MXRA5: variants seen among roughly 807,000 people sequenced by gnomAD.
The protein encoded by MXRA5 is matrix remodeling associated 5.
MXRA5 carries 41 observed loss-of-function variants against 112.5 expected under a neutral mutation model. The observed-to-expected ratio is 0.36, with a 90% CI of 0.28 to 0.47. MXRA5 has a LOEUF of 0.47. Among genes scored for constraint, MXRA5 ranks in the 20% least tolerant of loss-of-function variants. The pLI is 0.99. For missense variants in MXRA5, 2,150 were observed against 2,251.0 expected (o/e 0.96, Z 0.91); for synonymous variants, 862 against 900.8 (o/e 0.96, Z 0.77).
chrX:3,314,515 GATAGATGGATGGATGGATGA>G (rs1257841691), intron 6 of MXRA5, among the ~76,000 whole-genome samples: 13 of 112,419 alleles, frequency 1.2e-4, no homozygotes, highest in Non-Finnish European at 1.5e-4. Context: ...TAAATGGATG[GATAGATGGATGGATGGATGA>G]ATAGATGGAT....
At position 3,320,960 on chromosome X, in the gene MXRA5, T is replaced by G. The variant is rs146968954; in HGVS notation, c.4725A>C (p.Glu1575Asp). The change falls in exon 5 of 7, where the codon GAA (glutamate) becomes GAC (aspartate). Residue 1575 changes from glutamate (E) to aspartate (D), a missense_variant. Around this residue, in one of 6 missense-constraint regions of MXRA5, gnomAD observed 1,485 missense variants for 1,471.6 expected, o/e 1.01. Coordinates refer to ENST00000217939, the MANE Select transcript of MXRA5 (RefSeq NM_015419.4). ...QDAFNLSTKL[E>D]LEKQVFGSRS... is the part of the protein sequence containing the mutation. ...TACTACCAAATACTTGCTTTTCCAA[T>G]TCCAGCTTTGTAGACAAGTTAAATG... is the stretch of plus-strand genomic sequence containing the variant. 172 of 1,210,531 alleles carry G rather than the reference T, an allele frequency of 1.4e-4. No individual in the cohort carries two copies. In the African/African-American group the frequency reaches 2.9e-3, roughly 20 times the overall value.
Position 3,321,429 on chromosome X carries a change from G to A in MXRA5, c.4256C>T (p.Thr1419Ile), listed in dbSNP as rs1359996720. Residue 1419 changes from threonine (T) to isoleucine (I), a missense_variant, in exon 5 of 7, where the codon ACT becomes ATT. Around this residue, in one of 6 missense-constraint regions of MXRA5, gnomAD observed 1,485 missense variants for 1,471.6 expected, o/e 1.01. Transcript: ENST00000217939. ...LLKELEDVDF[T>I]SEFLSSLTVS... ...TGTCAAAGAGGACAAAAACTCGGAA[G>A]TGAAATCCACATCCTCAAGCTCTTT... 1 of 1,211,661 alleles carries A rather than the reference G, an allele frequency of 8.3e-7. No individual in the cohort carries two copies. The highest frequency in any genetic ancestry group is 1.8e-5 in the South Asian group (1 of 56,947).
chrX:3,346,286 C>T (rs373347446), intron 1 of MXRA5, among the ~76,000 whole-genome samples: 3 of 112,011 alleles, frequency 2.7e-5, no homozygotes, highest in East Asian at 5.7e-4. Flanking sequence ...TTCAGTGCAT[C>T]CTCCTTCAAG....
In MXRA5 at chrX:3,310,065, A is replaced by G; in HGVS notation, c.8138T>C (p.Met2713Thr). Residue 2713 changes from methionine to threonine, a missense_variant, in exon 7 of 7, where the codon ATG becomes ACG. Around this residue, in one of 6 missense-constraint regions of MXRA5, gnomAD observed 178 missense variants for 198.2 expected, o/e 0.90. Transcript: ENST00000217939. ...VFDRGTYVCR[M>T]ETEYGPSVTS... ...GACCGAAGGGCCGTACTCCGTCTCC[A>G]TCCTGCATACATAGGTACCCCTGTC... The G allele has an allele frequency of 8.3e-7, 1 of 1,211,437 alleles. No individual in the cohort carries two copies. Among genetic ancestry groups the G allele is most frequent in the African/African-American group, 1.7e-5 (1 of 57,674 alleles).
chrX:3,333,302 CAAAAAAAAA>C (rs386416494), intron 2 of MXRA5, among the ~76,000 whole-genome samples: 5 of 14,808 alleles, frequency 3.4e-4, no homozygotes, highest in African/African-American at 9.6e-4. Flanking sequence ...TACCCCATAT[CAAAAAAAAA>C]AAAAAAAAAA....
chrX:3,339,118 G>T (rs1168505285), intron 2 of MXRA5, among the ~76,000 whole-genome samples: 2 of 110,977 alleles, frequency 1.8e-5, no homozygotes, highest in Non-Finnish European at 3.8e-5. Flanking sequence ...TAGGAACAAA[G>T]GATAATACTG....
intron 6 of MXRA5, among the ~76,000 whole-genome samples, chrX:3,316,215 G>T: frequency 1.7e-5 from 1 of 57,973 alleles, no homozygotes; most frequent in Admixed American, 1.9e-4. Flanking sequence ...ACGGGAGGCT[G>T]AGGCAGGAGA....
chrX:3,326,862 C>A (rs184174825), intron 4 of MXRA5, among the ~76,000 whole-genome samples: 2 of 111,431 alleles, frequency 1.8e-5, no homozygotes, highest in Non-Finnish European at 3.8e-5. Context: ...ACCATCCACC[C>A]GCCAGTGATG....
rs765789777 is a variant in MXRA5 at position 3,320,038 on chromosome X, G to T, written c.5647C>A (p.Pro1883Thr). The change falls in exon 5 of 7, where the codon CCT (proline) becomes ACT (threonine). Residue 1883 changes from proline (P) to threonine (T), a missense_variant. Coordinates refer to ENST00000217939, the MANE Select transcript of MXRA5 (RefSeq NM_015419.4). ...GAAACCTTTGTCCAAGTAACGAAAGGCTTTGGTTTTCCTGTTGCCTCACAG... is the reference window on the plus strand; with the variant it reads ...GAAACCTTTGTCCAAGTAACGAAAGTCTTTGGTTTTCCTGTTGCCTCACAG... ...FPCEATGKPK[P>T]FVTWTKVSTG... 2 of 1,206,203 alleles carry T rather than the reference G, an allele frequency of 1.7e-6. No individual in the cohort carries two copies. The highest frequency in any genetic ancestry group is 2.2e-5 in the Admixed American group (1 of 45,462).
At chrX:3,338,579 GTAGA>G (rs1020206295) in intron 2 of MXRA5, among the ~76,000 whole-genome samples, 5 of 111,104 alleles carry the variant, frequency 4.5e-5, no homozygotes, top group Non-Finnish European at 7.6e-5. Flanking sequence ...TGATAGGTAG[GTAGA>G]TAGATTATTG....
In MXRA5 at chrX:3,317,919, T is replaced by C. The variant is rs1463491144; in HGVS notation, c.5762A>G (p.Gln1921Arg). Residue 1921 changes from glutamine to arginine, a missense_variant, in exon 6 of 7, where the codon CAA (glutamine) becomes CGA (arginine). Physicochemically the swap from Gln to Arg is conservative, Grantham distance 43 (BLOSUM62 1). This residue lies in a region of MXRA5 where 1,485 missense variants were observed against 1,471.6 expected (regional missense o/e 1.01). Coordinates refer to ENST00000217939, the MANE Select transcript of MXRA5 (RefSeq NM_015419.4). ...GGTGCACATATACTGGCCTCGATCTTGTACTTGAACCTTCCGTATCACTAA... is the reference window on the plus strand; with the variant it reads ...GGTGCACATATACTGGCCTCGATCTCGTACTTGAACCTTCCGTATCACTAA... The part of the protein sequence containing the change: ...GTLVIRKVQV[Q>R]DRGQYMCTAS... The C allele has an allele frequency of 2.5e-6, 3 of 1,209,224 alleles. No individual in the cohort carries two copies. The African/African-American group carries it at 5.3e-5, about 21-fold the overall frequency.
chrX:3,322,612 C>CCCCTATAGTAGA lies in MXRA5; in HGVS notation c.3061_3072dup (p.Ser1021_Gly1024dup). The CCCCTATAGTAGA allele has an allele frequency of 8.3e-7, 1 of 1,211,685 alleles. No homozygotes were observed. Among genetic ancestry groups the CCCCTATAGTAGA allele is most frequent in the Non-Finnish European group, 1.1e-6 (1 of 895,432 alleles). The stretch of plus-strand genomic sequence containing the variant: ...TGTGATTGGCCTGGGACACCTGGTT[C>CCCCTATAGTAGA]CCCTATAGTAGAATCCTCAAATAAC... On this transcript the variant is annotated inframe_insertion, in exon 5 of 7. Coordinates refer to ENST00000217939, the MANE Select transcript of MXRA5 (RefSeq NM_015419.4).
chrX:3,324,182 G>A lies in MXRA5; in HGVS notation c.1503C>T (p.Cys501=), dbSNP rs1221084951. The A allele has an allele frequency of 7.4e-6, 9 of 1,211,572 alleles. No individual in the cohort carries two copies. Among genetic ancestry groups the A allele is most frequent in the Non-Finnish European group, 8.9e-6 (8 of 895,518 alleles). Residue 501 remains cysteine (C), a synonymous_variant, in exon 5 of 7, where the codon TGC becomes TGT. Coordinates refer to ENST00000217939, the MANE Select transcript of MXRA5 (RefSeq NM_015419.4). ...ATGGACTCTCAGAAGCTTTCACGTT[G>A]CAGCTCAACTGGCATGGACCCCCTT... The part of the protein sequence containing the change: ...VLEGGPCQLS[C]NVKASESPSI...
Position 3,323,144 on chromosome X carries a change from T to C in MXRA5, c.2541A>G (p.Leu847=), listed in dbSNP as rs780052891. Residue 847 remains leucine, a synonymous_variant, in exon 5 of 7, where the codon CTA becomes CTG. Coordinates refer to ENST00000217939, the MANE Select transcript of MXRA5 (RefSeq NM_015419.4). Reference sequence around the variant, plus strand: ...CCAAAACGTGCTCTTCTTCACCAAGTAGAGGTACATCTGCTGAGGATTCTT... The same window carrying C: ...CCAAAACGTGCTCTTCTTCACCAAGCAGAGGTACATCTGCTGAGGATTCTT... The part of the protein sequence containing the change: ...SAEESSADVP[L]LGEEEHVLGT... 1 of 1,211,090 alleles carries C rather than the reference T, an allele frequency of 8.3e-7. No homozygotes were observed. Among genetic ancestry groups the C allele is most frequent in the Admixed American group, 2.2e-5 (1 of 45,984 alleles).
chrX:3,321,168 G>T lies in MXRA5; in HGVS notation c.4517C>A (p.Thr1506Asn), dbSNP rs1221158161. 3 of 1,211,798 alleles carry T rather than the reference G, an allele frequency of 2.5e-6. No individual in the cohort carries two copies. The highest frequency in any genetic ancestry group is 5.9e-5 in the East Asian group (2 of 33,845). ...PSTILMSLGQTTTTKPALPSP... is the reference protein window; with the variant it reads ...PSTILMSLGQNTTTKPALPSP... ...GGGAAGTGCTGGCTTAGTGGTGGTG[G>T]TTTGTCCCAAAGACATGAGAATTGT... The change falls in exon 5 of 7, where the codon ACC becomes AAC. Residue 1506 changes from threonine to asparagine, a missense_variant. Transcript: ENST00000217939.
In MXRA5 at chrX:3,322,160, G is replaced by C; in HGVS notation, c.3525C>G (p.Ala1175=). 1.7e-6 allele frequency: 2 copies of C among 1,195,992 alleles called. No individual in the cohort carries two copies. The highest frequency in any genetic ancestry group is 2.3e-6 in the Non-Finnish European group (2 of 887,158). ...RHKQTPPTTF[A]PSETFSTQPT... ...GTTGAGTAGAAAAAGTCTCTGATGG[G>C]GCAAAAGTTGTGGGTGGGGTTTGCT... The change falls in exon 5 of 7, where the codon GCC becomes GCG. Residue 1175 remains alanine (A), a synonymous_variant. Coordinates refer to ENST00000217939, the MANE Select transcript of MXRA5 (RefSeq NM_015419.4).
In MXRA5 at chrX:3,321,085, C is replaced by A. The variant is rs372487931; in HGVS notation, c.4600G>T (p.Val1534Leu). 4.0e-5 allele frequency: 48 copies of A among 1,210,087 alleles called. No individual in the cohort carries two copies. Among genetic ancestry groups the A allele is most frequent in the Non-Finnish European group, 4.9e-5 (44 of 895,097 alleles). ...DSKENVFLNY[V>L]GNPETEATPV... ...GTTGCTTCTGTTTCTGGATTCCCCA[C>A]ATAATTCAAGAAAACATTTTCCTTG... Residue 1534 changes from valine (V) to leucine (L), a missense_variant, in exon 5 of 7, where the codon GTG (valine) becomes TTG (leucine). By Grantham distance (32) the Val-to-Leu change is conservative (BLOSUM62 1). Around this residue, in one of 6 missense-constraint regions of MXRA5, gnomAD observed 1,485 missense variants for 1,471.6 expected, o/e 1.01. Coordinates refer to ENST00000217939, the MANE Select transcript of MXRA5 (RefSeq NM_015419.4).
In MXRA5 at chrX:3,317,224, G is replaced by A. The variant is rs866485423; in HGVS notation, c.6457C>T (p.Pro2153Ser). 7.4e-6 allele frequency: 9 copies of A among 1,210,087 alleles called. No individual in the cohort carries two copies. In the Admixed American group the frequency reaches 1.3e-4, roughly 18 times the overall value. ...CCGTACCTGACGTCCGTCCTCCGCG[G>A]GGAGGTGCCCGTGATGCGCGCGTTG... is the stretch of plus-strand genomic sequence containing the variant. ...AANARITGTS[P>S]RRTDVRYGGT... The change falls in exon 6 of 7, where the codon CCG becomes TCG. Residue 2153 changes from proline (P) to serine (S), a missense_variant. Pro to Ser is a moderately conservative substitution (Grantham distance 74). Transcript: ENST00000217939.
chrX:3,334,449 C>A (rs776840534), intron 2 of MXRA5, among the ~76,000 whole-genome samples: 1 of 111,369 alleles, frequency 9.0e-6, no homozygotes, highest in African/African-American at 3.3e-5. Flanking sequence ...GCCACTCAGA[C>A]ATTGCTCTGT....
Sources: gnomAD v4.1 joint callset for allele counts (sites outside exome capture counted in the v4.1 genomes callset) on GRCh38, gnomAD v4.1.1 for gene constraint, gnomAD v4.1.1 regional missense constraint, MANE v1.5 for transcripts, NCBI Gene and HGNC (gene_info 2026-07-23, HGNC 2026-07-21) for gene names.